The following KIF1B variants were observed in gnomAD, a reference collection of about 807,000 sequenced individuals.
KIF1B encodes kinesin family member 1B.
Under a neutral mutation model 241.9 loss-of-function variants are expected in KIF1B, and 76 were observed. The observed-to-expected ratio is 0.31, with a 90% confidence interval of 0.26 to 0.38. The LOEUF is 0.38. Ranked by LOEUF, KIF1B falls within the 10% of genes least tolerant of loss-of-function variation. The probability of loss-of-function intolerance (pLI) is 1.00; values close to 1 mark genes in which losing one functional copy is unlikely to be tolerated. For missense variants in KIF1B, 1,622 were observed against 2,271.4 expected (o/e 0.71, Z 5.81); for synonymous variants, 750 against 796.7 (o/e 0.94, Z 0.99).
At chr1:10,357,121 C>G (rs926985570) in intron 38 of KIF1B, among the ~76,000 whole-genome samples, 1 of 152,166 alleles carries the variant, frequency 6.6e-6, no homozygotes, top group African/African-American at 2.4e-5. Context: ...CTCAAGTGAT[C>G]TTCCCACTTT....
chr1:10,359,752 C>T (rs1008982256), intron 38 of KIF1B, among the ~76,000 whole-genome samples: 21 of 151,908 alleles, frequency 1.4e-4, no homozygotes, highest in East Asian at 7.7e-4. Context: ...ATAAGGCTCT[C>T]GGCCGGCACA....
intron 32 of KIF1B, among the ~76,000 whole-genome samples, chr1:10,340,358 C>A (rs1311843394): frequency 1.3e-5 from 2 of 152,172 alleles, no homozygotes; most frequent in Non-Finnish European, 2.9e-5. Flanking sequence ...CAGACCCTTC[C>A]CTCTCTTACG....
At position 10,331,637 on chromosome 1, in the gene KIF1B, C is replaced by G. The variant is rs185605022; in HGVS notation, c.2925-2883C>G. On this transcript the variant is annotated intron_variant, in intron 27 of 48. Coordinates refer to ENST00000676179, the MANE Select transcript of KIF1B (RefSeq NM_001365951.3). ...CAAATACCCAGTCTATCCTCCTCCT[C>G]TCTTTGTTTTAAAATAGATTTCAGA... Among the ~76,000 whole-genome samples, 416 of 152,326 alleles carry G rather than the reference C, an allele frequency of 2.7e-3. 2 individuals are homozygous for G. The highest frequency in any genetic ancestry group is 9.4e-3 in the African/African-American group (390 of 41,582).
chr1:10,318,541 G>A (rs925419038), intron 22 of KIF1B, among the ~76,000 whole-genome samples: 1 of 148,256 alleles, frequency 6.7e-6, no homozygotes, highest in African/African-American at 2.6e-5. Flanking sequence ...CCAACATGGT[G>A]AAAACCCATC....
chr1:10,259,949 T>TA (rs1365995449), intron 4 of KIF1B, among the ~76,000 whole-genome samples: 1 of 151,558 alleles, frequency 6.6e-6, no homozygotes, highest in Non-Finnish European at 1.5e-5. Flanking sequence ...GTGCGGGGCC[T>TA]AAAAACTTAA....
At chr1:10,304,741 A>G (rs1010098627) in intron 22 of KIF1B, 1 of 1,551,610 alleles carries the variant, frequency 6.4e-7, no homozygotes, top group Admixed American at 1.9e-5. Context: ...TTGAGTTCTT[A>G]TTATTTACAT....
chr1:10,306,064 T>G (rs1223148219), intron 22 of KIF1B: 28 of 1,045,492 alleles, frequency 2.7e-5, no homozygotes, highest in Non-Finnish European at 3.1e-5. Context: ...GCACTATGCT[T>G]TATTAGAACA....
chr1:10,373,763 C>T lies in KIF1B; in HGVS notation c.4947-553C>T, dbSNP rs1569929213. On this transcript the variant is annotated intron_variant, in intron 45 of 48. Coordinates refer to ENST00000676179, the MANE Select transcript of KIF1B (RefSeq NM_001365951.3). ...AACCCTGGGTCTTCCCATTTGTTTG[C>T]TTTTTCTGCCATTTTCTAAGGCAGT... Among the ~76,000 whole-genome samples the T allele has an allele frequency of 2.6e-5, 4 of 152,302 alleles. No individual in the cohort carries two copies. In the East Asian group the frequency reaches 7.7e-4, roughly 29 times the overall value.
At position 10,235,055 on chromosome 1, in the gene KIF1B, A is replaced by G. The variant is rs544411094; in HGVS notation, c.106+2621A>G. ...CAGGCACCTGTCACCACACCTGGCT[A>G]ATTTTTGTATTTTTAGTAGAGATGG... is the stretch of plus-strand genomic sequence containing the variant. On this transcript the variant is annotated intron_variant, in intron 2 of 48. Coordinates refer to ENST00000676179, the MANE Select transcript of KIF1B (RefSeq NM_001365951.3). Among the ~76,000 whole-genome samples the G allele has an allele frequency of 1.3e-5, 2 of 151,402 alleles. 1 individual carries two copies. Among genetic ancestry groups the G allele is most frequent in the African/African-American group, 4.8e-5 (2 of 41,260 alleles).
chr1:10,348,596 A>G (rs1372483197), intron 36 of KIF1B, 53 bp from the exon 37 acceptor site: 2 of 1,355,760 alleles, frequency 1.5e-6, no homozygotes, highest in East Asian at 2.3e-5. Context: ...ACAGTAGACG[A>G]GAGGAGATAA....
intron 22 of KIF1B, chr1:10,306,591 T>C (rs1424831639): frequency 3.6e-5 from 17 of 471,182 alleles, no homozygotes; most frequent in African/African-American, 2.0e-5. Flanking sequence ...GGCATCAATA[T>C]GGTGATGTCC....
rs893020620 is a variant in KIF1B, at chr1:10,274,871, GTGTTT to G, written c.883-545_883-541del. The G allele has an allele frequency of 5.0e-5, 18 of 358,246 alleles. 1 individual carries two copies. Among genetic ancestry groups the G allele is most frequent in the East Asian group, 9.4e-5 (1 of 10,644 alleles). The allele number at this position is 358,246 out of a possible 1,614,324, so 22.2% of individuals were successfully genotyped here. ...TGGTAAGTGTGATAATGGTCCTGTG[GTGTTT>G]TGTTTTGTTTTTAAAAAACATGACC... is the stretch of plus-strand genomic sequence containing the variant. On this transcript the variant is annotated intron_variant, in intron 10 of 48. Coordinates refer to ENST00000676179, the MANE Select transcript of KIF1B (RefSeq NM_001365951.3).
At chr1:10,286,507 C>G (rs936540744) in intron 15 of KIF1B, among the ~76,000 whole-genome samples, 1 of 152,176 alleles carries the variant, frequency 6.6e-6, no homozygotes. Flanking sequence ...CTAAGCAGCC[C>G]AAGGGCCACA....
At position 10,267,565 on chromosome 1, in the gene KIF1B, T is replaced by C. The variant is rs886044967; in HGVS notation, c.608+7T>C. On this transcript the variant is annotated splice_region_variant and intron_variant, in intron 6 of 48. Coordinates refer to ENST00000676179, the MANE Select transcript of KIF1B (RefSeq NM_001365951.3). Reference sequence around the variant, plus strand: ...ATGCTGGGAACAAAGCCAGGTATGGTAGGAAATAGAGTAATGACTGAGGTC... The same window carrying C: ...ATGCTGGGAACAAAGCCAGGTATGGCAGGAAATAGAGTAATGACTGAGGTC... 6.2e-7 allele frequency: 1 copy of C among 1,613,866 alleles called. No homozygotes were observed. Among genetic ancestry groups the C allele is most frequent in the East Asian group, 2.2e-5 (1 of 44,868 alleles).
chr1:10,248,488 A>C (rs1647277953), intron 2 of KIF1B, among the ~76,000 whole-genome samples: 1 of 152,202 alleles, frequency 6.6e-6, no homozygotes, highest in Admixed American at 6.5e-5. Flanking sequence ...AGTGTGAGCT[A>C]CTGTGCTCAG....
chr1:10,263,402 A>T (rs1648266377), intron 5 of KIF1B, among the ~76,000 whole-genome samples: 1 of 151,790 alleles, frequency 6.6e-6, no homozygotes, highest in Non-Finnish European at 1.5e-5. Context: ...AACTGAAATT[A>T]TTAAAGTGTT....
At chr1:10,339,966 G>GGA in intron 32 of KIF1B, 107 bp downstream of exon 32, 1 of 928,874 alleles carries the variant, frequency 1.1e-6, no homozygotes, top group Non-Finnish European at 1.7e-6. Context: ...CTGTGCAGGG[G>GGA]GAGAGTAGAC....
intron 14 of KIF1B, among the ~76,000 whole-genome samples, chr1:10,281,474 A>G (rs962964012): frequency 1.3e-5 from 2 of 152,200 alleles, no homozygotes; most frequent in Non-Finnish European, 2.9e-5. Flanking sequence ...AAATGGAAGT[A>G]TGTTCCTAAA....
chr1:10,318,856 T>C (rs1536263), intron 22 of KIF1B, among the ~76,000 whole-genome samples: 36,898 of 152,072 alleles, frequency 0.24, 5,083 homozygotes, highest in Admixed American at 0.31. Context: ...TTTTTCAAAT[T>C]AACAACCTAA....
Sources: gnomAD v4.1 joint callset for allele counts (sites outside exome capture counted in the v4.1 genomes callset) on GRCh38, gnomAD v4.1.1 for gene constraint, MANE v1.5 for transcripts, NCBI Gene and HGNC (gene_info 2026-07-23, HGNC 2026-07-21) for gene names.